The following PMPCB variants were observed in gnomAD, a reference collection of about 807,000 sequenced individuals.
PMPCB encodes mitochondrial-processing peptidase subunit beta.
In PMPCB, 46 loss-of-function variants were observed where a neutral mutation model predicts 61.5. That is an observed-to-expected ratio of 0.75 (90% CI 0.59 to 0.96). The LOEUF (loss-of-function observed/expected upper bound fraction) is 0.96, where lower values mean the gene tolerates loss of function less well. Ranked by LOEUF, PMPCB falls within the 40% of genes least tolerant of loss-of-function variation. The pLI is 0.00. For synonymous variants in PMPCB, 191 were observed against 201.6 expected (o/e 0.95, Z 0.44); for missense variants, 590 against 602.4 (o/e 0.98, Z 0.22).
chr7:103,346,331 C>T, the PMPCB span, among the ~76,000 whole-genome samples: 1 of 152,134 alleles, frequency 6.6e-6, no homozygotes, highest in Non-Finnish European at 1.5e-5. Context: ...CGGGGTTTAG[C>T]CATGTTGGCC....
intron 6 of PMPCB, among the ~76,000 whole-genome samples, chr7:103,305,569 A>C (rs559597509): frequency 1.3e-5 from 2 of 152,124 alleles, no homozygotes; most frequent in Admixed American, 1.3e-4. Flanking sequence ...TCCAGTTTTC[A>C]TTTCTTTGTA....
intron 12 of PMPCB, among the ~76,000 whole-genome samples, chr7:103,321,629 C>T (rs1818420798): frequency 6.6e-6 from 1 of 151,616 alleles, no homozygotes; most frequent in African/African-American, 2.4e-5. Context: ...GGGGAGATCA[C>T]TTGAGGTCAG....
chr7:103,340,714 ATT>A, the PMPCB span, among the ~76,000 whole-genome samples: 1 of 152,208 alleles, frequency 6.6e-6, no homozygotes, highest in Non-Finnish European at 1.5e-5. Context: ...CTACTAAAGC[ATT>A]ATCTATTTGT....
the PMPCB span, chr7:103,344,980 C>G: frequency 7.1e-6 from 3 of 421,620 alleles, no homozygotes; most frequent in East Asian, 1.1e-4. Flanking sequence ...CCTTTAAAAG[C>G]AGTTCTTTTT....
At chr7:103,315,963 A>T, downstream of PMPCB, 1 of 1,569,040 alleles carries the variant, frequency 6.4e-7, no homozygotes, top group Non-Finnish European at 8.7e-7. Flanking sequence ...TGTTTAAAGT[A>T]ACAAATGGAC....
At chr7:103,309,189 G>A (rs1817671543) in intron 8 of PMPCB, 94 bp downstream of exon 8, 1 of 979,932 alleles carries the variant, frequency 1.0e-6, no homozygotes, top group Non-Finnish European at 1.5e-6. Flanking sequence ...TTTTAAAGTG[G>A]CAGAATAGAG....
Position 103,297,547 on chromosome 7 carries a change from G to C in PMPCB, c.88G>C (p.Ala30Pro). 1.2e-6 allele frequency: 2 copies of C among 1,609,982 alleles called. No homozygotes were observed. The highest frequency in any genetic ancestry group is 1.7e-6 in the Non-Finnish European group (2 of 1,177,562). Reference sequence around the variant, plus strand: ...CAGCGAGAGTCTTCTAATCCGAGGCGCTGCGGGACGGGTGAGCTTCCCTCC... The same window carrying C: ...CAGCGAGAGTCTTCTAATCCGAGGCCCTGCGGGACGGGTGAGCTTCCCTCC... ...GFSESLLIRGAAGRSLYFGEN... is the reference protein window; with the variant it reads ...GFSESLLIRGPAGRSLYFGEN... Residue 30 changes from alanine (A) to proline (P), a missense_variant, in exon 1 of 13, where the codon GCT (alanine) becomes CCT (proline). Ala to Pro is a conservative substitution (Grantham distance 27). Transcript: ENST00000249269.
chr7:103,342,999 A>G, the PMPCB span, among the ~76,000 whole-genome samples: 1 of 151,416 alleles, frequency 6.6e-6, no homozygotes, highest in Non-Finnish European at 1.5e-5. Flanking sequence ...AACAACTCAA[A>G]CTATCTTTTT....
rs1226999830 is a variant in PMPCB at position 103,297,541 on chromosome 7, C to T, written c.82C>T (p.Arg28Ter). The T allele has an allele frequency of 3.7e-6, 6 of 1,609,666 alleles. No individual in the cohort carries two copies. The highest frequency in any genetic ancestry group is 1.7e-4 in the Middle Eastern group (1 of 5,778). Residue 28 changes from arginine (R) to a stop codon, truncating the protein, a stop_gained, in exon 1 of 13, where the codon CGA becomes TGA. Transcript: ENST00000249269. LOFTEE classifies it high-confidence loss of function. ...LWGFSESLLI[R>*]GAAGRSLYFG... Reference sequence around the variant, plus strand: ...GGGTTTCAGCGAGAGTCTTCTAATCCGAGGCGCTGCGGGACGGGTGAGCTT... The same window carrying T: ...GGGTTTCAGCGAGAGTCTTCTAATCTGAGGCGCTGCGGGACGGGTGAGCTT...
At chr7:103,319,685 A>C, downstream of PMPCB, 1 of 1,610,776 alleles carries the variant, frequency 6.2e-7, no homozygotes, top group Non-Finnish European at 8.5e-7. Flanking sequence ...TAAGCTAAAG[A>C]AAAAAAAAGA....
chr7:103,327,114 T>G (rs1818747883), intron 12 of PMPCB, among the ~76,000 whole-genome samples: 1 of 152,188 alleles, frequency 6.6e-6, no homozygotes. Flanking sequence ...AAATCACATT[T>G]AAGGAAACAT....
At chr7:103,304,331 C>A in intron 5 of PMPCB, 80 bp from the exon 6 acceptor site, 2 of 832,670 alleles carry the variant, frequency 2.4e-6, no homozygotes, top group South Asian at 1.4e-5. Flanking sequence ...CAGTTATGGT[C>A]CAATTTGATT....
At chr7:103,344,090 T>A in the PMPCB span, among the ~76,000 whole-genome samples, 1 of 152,148 alleles carries the variant, frequency 6.6e-6, no homozygotes, top group African/African-American at 2.4e-5. Flanking sequence ...ACACCGAGTA[T>A]GAGGAGCGGT....
downstream of PMPCB, chr7:103,316,942 T>C (rs1267859873): frequency 1.2e-6 from 2 of 1,614,122 alleles, no homozygotes; most frequent in Admixed American, 1.7e-5. Flanking sequence ...TTCTCTGTGT[T>C]CTTAGATGCT....
chr7:103,317,205 A>C (rs1404652733), downstream of PMPCB: 4 of 560,108 alleles, frequency 7.1e-6, no homozygotes, highest in African/African-American at 1.9e-5. Context: ...GGTCTGCCTG[A>C]GGGACCAAGA....
Position 103,298,645 on chromosome 7 carries a change from A to T in PMPCB, c.177A>T (p.Arg59Ser). 6.2e-7 allele frequency: 1 copy of T among 1,613,900 alleles called. No homozygotes were observed. The highest frequency in any genetic ancestry group is 8.5e-7 in the Non-Finnish European group (1 of 1,179,718). ...TTGTTCTGAATGTTCCTGAAACAAG[A>T]GTAACATGTTTAGAAAGTGGACTCA... Reference protein sequence around the residue: ...TQVVLNVPETRVTCLESGLRV... With the variant: ...TQVVLNVPETSVTCLESGLRV... Residue 59 changes from arginine (R) to serine (S), a missense_variant, in exon 2 of 13, where the codon AGA becomes AGT. Transcript: ENST00000249269.
At chr7:103,301,248 T>C (rs1156720434) in intron 4 of PMPCB, among the ~76,000 whole-genome samples, 1 of 152,206 alleles carries the variant, frequency 6.6e-6, no homozygotes, top group Non-Finnish European at 1.5e-5. Flanking sequence ...CCAGATTCAT[T>C]TGCTTTGTCA....
chr7:103,311,464 A>G (rs992539627), intron 9 of PMPCB, 179 bp from the exon 10 acceptor site: 1 of 598,092 alleles, frequency 1.7e-6, no homozygotes, highest in Non-Finnish European at 3.0e-6. Flanking sequence ...AGGCATGTTT[A>G]TGTATCATTT....
At chr7:103,337,379 C>A in the PMPCB span, 7 of 164,348 alleles carry the variant, frequency 4.3e-5, no homozygotes, top group Admixed American at 3.2e-4. Flanking sequence ...AAAAAAAAAA[C>A]CAAAAACCAA....
Sources: allele counts gnomAD v4.1 joint callset (sites outside exome capture counted in the v4.1 genomes callset), GRCh38; gene constraint gnomAD v4.1.1; transcripts MANE v1.5; gene names NCBI Gene and HGNC (gene_info 2026-07-23, HGNC 2026-07-21).